The following SYTL5 variants were observed in gnomAD, a reference collection of about 807,000 sequenced individuals.
SYTL5 encodes the protein synaptotagmin like 5, also known as synaptotagmin-like protein 5.
Under a neutral mutation model 55.9 loss-of-function variants are expected in SYTL5, and 34 were observed. The observed-to-expected ratio is 0.61, with a 90% confidence interval of 0.46 to 0.81. The LOEUF (loss-of-function observed/expected upper bound fraction) is 0.81. Among genes scored for constraint, SYTL5 ranks in the 30% least tolerant of loss-of-function variants. The probability of loss-of-function intolerance (pLI) is 0.00; values close to 1 mark genes in which losing one functional copy is unlikely to be tolerated. For synonymous variants in SYTL5, 221 were observed against 188.7 expected, an observed-to-expected ratio of 1.17 and a Z score of -1.40; for missense variants, 637 against 546.7, an observed-to-expected ratio of 1.17 and a Z score of -1.65.
At chrX:37,967,240 C>T in the SYTL5 span, among the ~76,000 whole-genome samples, 149 of 111,182 alleles carry the variant, frequency 1.3e-3, no homozygotes, top group Non-Finnish European at 1.8e-3. Context: ...TTAGTAGAGA[C>T]GGGGTTTTAC....
intron 1 of SYTL5, among the ~76,000 whole-genome samples, chrX:38,025,962 G>A (rs1934758160): frequency 8.9e-6 from 1 of 112,169 alleles, no homozygotes. Context: ...CCATAGACAG[G>A]ACCAGAACAT....
intron 3 of SYTL5, among the ~76,000 whole-genome samples, chrX:38,059,589 G>C (rs1252788903): frequency 8.9e-6 from 1 of 111,829 alleles, no homozygotes; most frequent in African/African-American, 3.2e-5. Flanking sequence ...ATGCCTATTA[G>C]ATAAGAGAGG....
chrX:37,992,801 AAG>A, the SYTL5 span, among the ~76,000 whole-genome samples: 2 of 111,931 alleles, frequency 1.8e-5, no homozygotes, highest in Admixed American at 1.9e-4. Flanking sequence ...ATGTAAGCAA[AAG>A]AGACTTTATA....
the SYTL5 span, among the ~76,000 whole-genome samples, chrX:37,905,436 T>G: frequency 0.015 from 126 of 8,219 alleles, no homozygotes; most frequent in African/African-American, 0.094. Flanking sequence ...GGTGTGTGTG[T>G]GTGGGGGGGG....
chrX:38,052,235 C>A (rs1935641769), intron 2 of SYTL5, among the ~76,000 whole-genome samples: 1 of 111,969 alleles, frequency 8.9e-6, no homozygotes, highest in Non-Finnish European at 1.9e-5. Context: ...CAAATTACCA[C>A]AAACTTGGTG....
chrX:37,966,728 G>A, the SYTL5 span, among the ~76,000 whole-genome samples: 8 of 111,120 alleles, frequency 7.2e-5, no homozygotes, highest in East Asian at 1.4e-3. Context: ...GAGCCACCGC[G>A]CCCAGCTCCA....
intron 6 of SYTL5, among the ~76,000 whole-genome samples, chrX:38,084,351 G>A: frequency 2.7e-5 from 3 of 112,001 alleles, no homozygotes; most frequent in Middle Eastern, 9.2e-3. Context: ...ACTGGTTGAT[G>A]TGTTTCCCTG....
chrX:38,044,579 A>G (rs775716533), intron 2 of SYTL5, among the ~76,000 whole-genome samples: 54 of 111,856 alleles, frequency 4.8e-4, no homozygotes, highest in Non-Finnish European at 8.9e-4. Context: ...TGAATGCCCA[A>G]TTTTCTTCCA....
the SYTL5 span, among the ~76,000 whole-genome samples, chrX:37,988,202 A>G: frequency 9.0e-6 from 1 of 111,574 alleles, no homozygotes; most frequent in African/African-American, 3.3e-5. Flanking sequence ...GAAAAATGCT[A>G]TGCTGCTGGC....
chrX:38,007,460 A>G (rs185646605), intron 1 of SYTL5, among the ~76,000 whole-genome samples: 2 of 111,565 alleles, frequency 1.8e-5, no homozygotes, highest in Non-Finnish European at 3.8e-5. Flanking sequence ...TGCTCCAAGT[A>G]TATGTGTATG....
At chrX:38,056,070 A>G (rs1458781396) in intron 3 of SYTL5, among the ~76,000 whole-genome samples, 1 of 111,564 alleles carries the variant, frequency 9.0e-6, no homozygotes, top group African/African-American at 3.3e-5. Flanking sequence ...TATTCTGTCT[A>G]ACTATTTTTA....
the SYTL5 span, chrX:37,946,286 G>T: frequency 4.3e-4 from 52 of 120,942 alleles, 1 homozygote; most frequent in South Asian, 7.5e-3. Flanking sequence ...TGACAAAATG[G>T]TATATGCTTT....
chrX:38,104,231 T>G (rs1407971804), intron 10 of SYTL5, among the ~76,000 whole-genome samples: 1 of 112,012 alleles, frequency 8.9e-6, no homozygotes, highest in South Asian at 3.7e-4. Flanking sequence ...CTGATAGGTG[T>G]TGTTGTGTTT....
At chrX:37,902,696 C>CA in the SYTL5 span, among the ~76,000 whole-genome samples, 2 of 111,460 alleles carry the variant, frequency 1.8e-5, no homozygotes, top group African/African-American at 6.5e-5. Context: ...AAACAAAGAA[C>CA]AAAAACCCAG....
the SYTL5 span, among the ~76,000 whole-genome samples, chrX:37,898,421 C>G: frequency 1.6e-4 from 18 of 112,183 alleles, no homozygotes; most frequent in African/African-American, 4.5e-4. Flanking sequence ...TGACTTGCTT[C>G]TTGTCCTTGT....
chrX:37,894,232 A>G, the SYTL5 span, among the ~76,000 whole-genome samples: 2 of 111,575 alleles, frequency 1.8e-5, no homozygotes, highest in Non-Finnish European at 3.8e-5. Context: ...GTGTTTGGCT[A>G]TTATAATTAA....
intron 6 of SYTL5, 115 bp downstream of exon 6, chrX:38,076,816 A>G: frequency 2.6e-6 from 2 of 769,112 alleles, no homozygotes; most frequent in South Asian, 2.9e-5. Flanking sequence ...AACTCCTAAC[A>G]CATAATGTGA....
At position 38,054,367 on chromosome X, in the gene SYTL5, T is replaced by A; in HGVS notation, c.274T>A (p.Cys92Ser). Residue 92 changes from cysteine (C) to serine (S), a missense_variant, in exon 3 of 17, where the codon TGT becomes AGT. Physicochemically the swap from Cys to Ser is moderately radical, Grantham distance 112 (BLOSUM62 -1). Transcript: ENST00000297875. The stretch of plus-strand genomic sequence containing the variant: ...TTGCTCACTGAGGGTATGCAGGGAG[T>A]GTCGAGTTGCAGGCCCCAATGGCAG... ...QACSLRVCRE[C>S]RVAGPNGSWK... is the part of the protein sequence containing the mutation. 2 of 1,210,685 alleles carry A rather than the reference T, an allele frequency of 1.7e-6. No individual in the cohort carries two copies. The highest frequency in any genetic ancestry group is 3.0e-5 in the East Asian group (1 of 33,832).
rs192745592 is a variant in SYTL5 at position 38,077,740 on chromosome X, A to G, written c.689+1039A>G. ...TTAATACTGTATTCAGTATTTCCCA[A>G]ACTTTCAAGAATGCTGATATATTCC... On this transcript the variant is annotated intron_variant, in intron 6 of 16. Coordinates refer to ENST00000297875, the MANE Select transcript of SYTL5 (RefSeq NM_138780.3). 2.1e-4 allele frequency among the ~76,000 whole-genome samples: 24 copies of G among 112,347 alleles called. No individual in the cohort carries two copies. The Admixed American group carries it at 2.3e-3, about 11-fold the overall frequency.
Sources: gnomAD v4.1 joint callset for allele counts (sites outside exome capture counted in the v4.1 genomes callset) on GRCh38, gnomAD v4.1.1 for gene constraint, MANE v1.5 for transcripts, NCBI Gene and HGNC (gene_info 2026-07-23, HGNC 2026-07-21) for gene names.